STK3: variants seen among roughly 807,000 people sequenced by gnomAD.
The protein encoded by STK3 is serine/threonine kinase 3, also known as serine/threonine-protein kinase 3.
Under a neutral mutation model 58.0 loss-of-function variants are expected in STK3, and 41 were observed. The ratio of observed to expected loss-of-function variants is 0.71; its 90% CI spans 0.55 to 0.92. The LOEUF is 0.92. Ranked by LOEUF, STK3 falls within the 40% of genes least tolerant of loss-of-function variation. The probability of loss-of-function intolerance (pLI) is 0.00; values close to 1 mark genes in which losing one functional copy is unlikely to be tolerated. For missense variants in STK3, 479 were observed against 602.7 expected, an observed-to-expected ratio of 0.79 and a Z score of 2.15; for synonymous variants, 170 against 191.0, an observed-to-expected ratio of 0.89 and a Z score of 0.91.
chr8:98,856,841 G>T (rs575847594), intron 3 of STK3, among the ~76,000 whole-genome samples: 1 of 152,260 alleles, frequency 6.6e-6, no homozygotes, highest in South Asian at 2.1e-4. Context: ...ATGAAATGTG[G>T]TACATCTATG....
At chr8:98,572,670 T>G (rs1191278339) in intron 8 of STK3, among the ~76,000 whole-genome samples, 1 of 152,324 alleles carries the variant, frequency 6.6e-6, no homozygotes, top group East Asian at 1.9e-4. Context: ...AGATTCATTC[T>G]GCCTATCTCG....
chr8:98,541,604 T>G (rs1464754045), intron 9 of STK3, among the ~76,000 whole-genome samples: 1 of 152,232 alleles, frequency 6.6e-6, no homozygotes, highest in Non-Finnish European at 1.5e-5. Context: ...GTGGAATACC[T>G]GGAGTAGATT....
chr8:98,758,031 GGA>G (rs1247968466), intron 3 of STK3, among the ~76,000 whole-genome samples: 5 of 152,150 alleles, frequency 3.3e-5, no homozygotes, highest in Non-Finnish European at 5.9e-5. Flanking sequence ...GGGAAGAAGG[GGA>G]GAGAGTTTCA....
intron 9 of STK3, among the ~76,000 whole-genome samples, chr8:98,534,910 T>G (rs540698894): frequency 2.6e-5 from 4 of 152,172 alleles, no homozygotes; most frequent in Non-Finnish European, 5.9e-5. Context: ...ACCATAAAGC[T>G]GGGAGAAGGG....
chr8:98,528,007 T>A (rs1825876328), intron 9 of STK3, among the ~76,000 whole-genome samples: 1 of 152,202 alleles, frequency 6.6e-6, no homozygotes, highest in African/African-American at 2.4e-5. Context: ...AAGTTGAGAA[T>A]TAATTCAGAC....
intron 3 of STK3, among the ~76,000 whole-genome samples, chr8:98,417,475 C>T (rs1484291040): frequency 2.0e-5 from 3 of 152,098 alleles, no homozygotes; most frequent in African/African-American, 7.2e-5. Flanking sequence ...GATTGTGCCA[C>T]TGCACTCCAG....
intron 3 of STK3, among the ~76,000 whole-genome samples, chr8:98,395,447 C>A (rs1021360164): frequency 6.6e-6 from 1 of 152,116 alleles, no homozygotes; most frequent in Non-Finnish European, 1.5e-5. Flanking sequence ...AATATTATGG[C>A]AGAATGTTTC....
chr8:98,561,234 A>G (rs1431386873), intron 8 of STK3, among the ~76,000 whole-genome samples: 1 of 152,038 alleles, frequency 6.6e-6, no homozygotes, highest in East Asian at 1.9e-4. Flanking sequence ...AAAATGACAC[A>G]AAGGCAACTC....
chr8:98,873,089 A>G (rs3099596), intron 3 of STK3, among the ~76,000 whole-genome samples: 151,723 of 151,796 alleles, frequency 1, 75,825 homozygotes, highest in Middle Eastern at 1. Flanking sequence ...CCTTCATTTC[A>G]TTATGTACCC....
intron 10 of STK3, among the ~76,000 whole-genome samples, chr8:98,494,211 C>A (rs951539744): frequency 2.6e-5 from 4 of 152,178 alleles, no homozygotes; most frequent in Non-Finnish European, 5.9e-5. Context: ...AACTCAATTT[C>A]ATGCTCTAGC....
intron 6 of STK3, among the ~76,000 whole-genome samples, chr8:98,695,559 A>T (rs529641058): frequency 6.6e-6 from 1 of 152,296 alleles, no homozygotes; most frequent in Admixed American, 6.5e-5. Context: ...TCAGCTTTCT[A>T]CATATGGCTA....
chr8:98,470,925 G>A (rs1820870785), intron 10 of STK3, among the ~76,000 whole-genome samples: 1 of 152,200 alleles, frequency 6.6e-6, no homozygotes, highest in African/African-American at 2.4e-5. Context: ...GAACACCTGA[G>A]GGAGAGTGGT....
intron 1 of STK3, among the ~76,000 whole-genome samples, chr8:98,816,087 A>G (rs1415822090): frequency 2.0e-5 from 3 of 152,234 alleles, no homozygotes; most frequent in African/African-American, 7.2e-5. Flanking sequence ...ACAAAGGAAC[A>G]TGTTGAACTG....
chr8:98,383,134 C>T (rs1386869494), intron 1 of STK3, among the ~76,000 whole-genome samples: 1 of 152,172 alleles, frequency 6.6e-6, no homozygotes, highest in African/African-American at 2.4e-5. Context: ...TTGTCTCATT[C>T]ATCCTTAACA....
chr8:98,379,722 T>C (rs1162636689), intron 1 of STK3, among the ~76,000 whole-genome samples: 2 of 152,222 alleles, frequency 1.3e-5, no homozygotes. Context: ...GCAACATGTG[T>C]TCATTGTAGA....
chr8:98,742,160 G>T (rs1479132141), intron 4 of STK3, among the ~76,000 whole-genome samples: 1 of 151,704 alleles, frequency 6.6e-6, no homozygotes, highest in Non-Finnish European at 1.5e-5. Context: ...GTACAAGGAG[G>T]AACTGGTACC....
intron 1 of STK3, among the ~76,000 whole-genome samples, chr8:98,933,618 T>C (rs914954125): frequency 6.6e-6 from 1 of 152,200 alleles, no homozygotes; most frequent in Non-Finnish European, 1.5e-5. Flanking sequence ...TCATGTAAAT[T>C]GTATATAAGT....
At chr8:98,575,455 G>A (rs1182552959) in intron 8 of STK3, among the ~76,000 whole-genome samples, 1 of 150,232 alleles carries the variant, frequency 6.7e-6, no homozygotes, top group African/African-American at 2.5e-5. Context: ...CCTCTATCTA[G>A]TATCACAGCA....
chr8:98,610,241 G>A (rs1262107443), intron 6 of STK3, among the ~76,000 whole-genome samples: 2 of 151,416 alleles, frequency 1.3e-5, no homozygotes, highest in African/African-American at 2.4e-5. Flanking sequence ...AGGAAATAAT[G>A]AACAAAAGAT....
Sources: allele counts gnomAD v4.1 joint callset (sites outside exome capture counted in the v4.1 genomes callset), GRCh38; gene constraint gnomAD v4.1.1; transcripts MANE v1.5; gene names NCBI Gene and HGNC (gene_info 2026-07-23, HGNC 2026-07-21).